The following CABP1 variants were observed in gnomAD, a reference collection of about 807,000 sequenced individuals.
CABP1 encodes calcium binding protein 1, also known as calcium-binding protein 1.
CABP1 carries 17 observed loss-of-function variants against 34.3 expected under a neutral mutation model. That is an observed-to-expected ratio of 0.50 (90% CI 0.34 to 0.74). CABP1 has a LOEUF of 0.74. CABP1 is among the 30% of genes least tolerant of loss of function. The pLI is 0.01. For missense variants in CABP1, 373 were observed against 511.1 expected, an observed-to-expected ratio of 0.73 and a Z score of 2.61; for synonymous variants, 198 against 229.2, an observed-to-expected ratio of 0.86 and a Z score of 1.23.
Position 120,660,221 on chromosome 12 carries a change from C to T in CABP1, c.711C>T (p.Phe237=), listed in dbSNP as rs147505752. 20 of 1,614,002 alleles carry T rather than the reference C, an allele frequency of 1.2e-5. No homozygotes were observed. Among genetic ancestry groups the T allele is most frequent in the African/African-American group, 5.3e-5 (4 of 74,892 alleles). The change falls in exon 3 of 6, where the codon TTC becomes TTT. Residue 237 remains phenylalanine, a synonymous_variant. Transcript: ENST00000316803. This position sits in a 1 kb window ranked among gnomAD's most constrained non-coding sequence, Gnocchi z 5.0. Reference sequence around the variant, plus strand: ...AGCTCCGAGAGGCCTTCAGAGAATTCGACAAGGACAAGGATGGCTACATCA... The same window carrying T: ...AGCTCCGAGAGGCCTTCAGAGAATTTGACAAGGACAAGGATGGCTACATCA... ...IEELREAFRE[F]DKDKDGYINC...
rs928869816 is a variant in CABP1 at position 120,661,997 on chromosome 12, T to A, written c.1087+779T>A. ...ATACTTCCATTCACACATTCATGTC[T>A]CTTCGTCTGCATATACTTCTACCCA... On this transcript the variant is annotated intron_variant, in intron 5 of 5. Coordinates refer to ENST00000316803, the MANE Select transcript of CABP1 (RefSeq NM_001033677.2). This position sits in a 1 kb window ranked among gnomAD's most constrained non-coding sequence, Gnocchi z 5.1. 2 of 152,290 alleles carry A rather than the reference T, an allele frequency of 1.3e-5. No homozygotes were observed. The allele number at this position is 152,290 out of a possible 1,614,324, so 9.4% of individuals were successfully genotyped here. A position where few individuals can be genotyped will look rare whatever the true frequency, so the allele number is the denominator to read the frequency against.
intron 1 of CABP1, among the ~76,000 whole-genome samples, chr12:120,643,847 A>G (rs1453813500): frequency 2.0e-5 from 3 of 152,254 alleles, no homozygotes; most frequent in South Asian, 2.1e-4. Flanking sequence ...TGCTAACTCT[A>G]TCAGTGTTAG....
chr12:120,670,714 C>T (rs1592902113), downstream of CABP1, among the ~76,000 whole-genome samples: 1 of 152,164 alleles, frequency 6.6e-6, no homozygotes, highest in Non-Finnish European at 1.5e-5. Flanking sequence ...CACCGCTGCA[C>T]TCAGCCTGGG....
At chr12:120,655,737 C>G in intron 1 of CABP1, 1 of 1,458,946 alleles carries the variant, frequency 6.9e-7, no homozygotes, top group South Asian at 1.4e-5. Context: ...TGAACACTTC[C>G]CATTGGTGAG....
chr12:120,661,142 T>C lies in CABP1; in HGVS notation c.1011T>C (p.His337=), dbSNP rs1880601484. ...AGGCTATGAGGAAGCTCCTGGGTCATCAGGTGGGACACCGAGACATAGAGG... is the reference window on the plus strand; with the variant it reads ...AGGCTATGAGGAAGCTCCTGGGTCACCAGGTGGGACACCGAGACATAGAGG... ...LREAMRKLLG[H]QVGHRDIEEI... The change falls in exon 5 of 6, where the codon CAT becomes CAC. Residue 337 remains histidine, a synonymous_variant. Transcript: ENST00000316803. This position sits in a 1 kb window ranked among gnomAD's most constrained non-coding sequence, Gnocchi z 5.1. 6.2e-7 allele frequency: 1 copy of C among 1,613,134 alleles called. No homozygotes were observed. The highest frequency in any genetic ancestry group is 1.7e-5 in the Admixed American group (1 of 59,942).
rs372433018 is a variant in CABP1, at chr12:120,666,858, C to T, written c.1088-17C>T. The stretch of plus-strand genomic sequence containing the variant: ...CTGGCTGCTGCTTGCTCCCCAGCTG[C>T]TCCTCTACCCTTCTAGAGTTTGTCC... On this transcript the variant is annotated splice_polypyrimidine_tract_variant and intron_variant, in intron 5 of 5. Coordinates refer to ENST00000316803, the MANE Select transcript of CABP1 (RefSeq NM_001033677.2). 67 of 1,602,878 alleles carry T rather than the reference C, an allele frequency of 4.2e-5. No homozygotes were observed. Among genetic ancestry groups the T allele is most frequent in the Non-Finnish European group, 5.5e-5 (65 of 1,177,302 alleles).
At position 120,661,265 on chromosome 12, in the gene CABP1, T is replaced by C. The variant is rs1379615275; in HGVS notation, c.1087+47T>C. On this transcript the variant is annotated intron_variant, in intron 5 of 5. Transcript: ENST00000316803. This position sits in a 1 kb window ranked among gnomAD's most constrained non-coding sequence, Gnocchi z 5.1. Reference sequence around the variant, plus strand: ...GAGAGAAGCAAGCCAGCAGTGGCCATCCATGGAGCCCTCCAATTGTGTATC... The same window carrying C: ...GAGAGAAGCAAGCCAGCAGTGGCCACCCATGGAGCCCTCCAATTGTGTATC... 3 of 1,583,044 alleles carry C rather than the reference T, an allele frequency of 1.9e-6. No homozygotes were observed. Among genetic ancestry groups the C allele is most frequent in the African/African-American group, 2.7e-5 (2 of 74,098 alleles).
rs1258619523 is a variant in CABP1, at chr12:120,660,708, C to G, written c.830-23C>G. ...AGGGAATGGGTATGTCGGGGATGAC[C>G]TAGCCCTTTCCTCCTTTTCCAGTGG... On this transcript the variant is annotated intron_variant, in intron 3 of 5. Transcript: ENST00000316803. The surrounding 1 kb of genome is among the most constrained non-coding windows in gnomAD (Gnocchi z 5.0). The G allele has an allele frequency of 1.1e-5, 17 of 1,531,546 alleles. No homozygotes were observed. Among genetic ancestry groups the G allele is most frequent in the Non-Finnish European group, 1.5e-5 (17 of 1,104,944 alleles). 94.9% of individuals were successfully genotyped at this position (1,531,546 alleles called of 1,614,324 possible).
the CABP1 span, among the ~76,000 whole-genome samples, chr12:120,680,103 G>A: frequency 6.6e-6 from 1 of 152,124 alleles, no homozygotes; most frequent in South Asian, 2.1e-4. Flanking sequence ...AATCCGGGAG[G>A]CAGAGGCTGC....
In CABP1 at chr12:120,661,204, G is replaced by A. The variant is rs750230085; in HGVS notation, c.1073G>A (p.Arg358Gln). The A allele has an allele frequency of 2.5e-6, 4 of 1,608,704 alleles. No homozygotes were observed. Among genetic ancestry groups the A allele is most frequent in the South Asian group, 1.1e-5 (1 of 91,024 alleles). The change falls in exon 5 of 6, where the codon CGA (arginine) becomes CAA (glutamine). Residue 358 changes from arginine to glutamine, a missense_variant. Arg to Gln is a conservative substitution (Grantham distance 43, BLOSUM62 1). Transcript: ENST00000316803. The surrounding 1 kb of genome is among the most constrained non-coding windows in gnomAD (Gnocchi z 5.1). ...IRDVDLNGDG[R>Q]VDFEEFVRMM... ...GATGTGGACCTCAATGGGGATGGAC[G>A]AGTGGACTTTGAAGGTAGGTGGGGC...
intron 1 of CABP1, among the ~76,000 whole-genome samples, chr12:120,651,560 A>T (rs951531596): frequency 2.0e-5 from 3 of 152,134 alleles, no homozygotes; most frequent in Non-Finnish European, 4.4e-5. Flanking sequence ...TTTTCCTCCA[A>T]TTCTTCCATT....
rs146486911 is a variant in CABP1 at position 120,652,295 on chromosome 12, C to T, written c.655-7583C>T. 9.2e-5 allele frequency among the ~76,000 whole-genome samples: 14 copies of T among 151,940 alleles called. No individual in the cohort carries two copies. In the East Asian group the frequency reaches 2.5e-3, roughly 27 times the overall value. Reference sequence around the variant, plus strand: ...ACAGGAAATAGGAGAGATTTTCAGTCCACAGAGTAAAAGATAAAAAAACTT... The same window carrying T: ...ACAGGAAATAGGAGAGATTTTCAGTTCACAGAGTAAAAGATAAAAAAACTT... On this transcript the variant is annotated intron_variant, in intron 1 of 5. Coordinates refer to ENST00000316803, the MANE Select transcript of CABP1 (RefSeq NM_001033677.2).
chr12:120,671,277 C>T (rs138932217), downstream of CABP1, among the ~76,000 whole-genome samples: 20 of 152,062 alleles, frequency 1.3e-4, no homozygotes, highest in Middle Eastern at 3.4e-3. Flanking sequence ...TGGTGGTGCG[C>T]GCCTGCAATC....
chr12:120,673,570 AG>A, the CABP1 span, among the ~76,000 whole-genome samples: 1 of 151,976 alleles, frequency 6.6e-6, no homozygotes, highest in Non-Finnish European at 1.5e-5. Flanking sequence ...CCTGGGTGAC[AG>A]GGCGAGACTC....
chr12:120,663,261 GTTATTTATTTAT>G (rs150864781), intron 5 of CABP1, among the ~76,000 whole-genome samples: 1 of 150,604 alleles, frequency 6.6e-6, no homozygotes, highest in Admixed American at 6.6e-5. Context: ...TCAGTGAAAG[GTTATTTATTTAT>G]TTATTTATTT....
At chr12:120,658,990 C>T (rs1349752908) in intron 1 of CABP1, 1 of 152,318 alleles carries the variant, frequency 6.6e-6, no homozygotes, top group Non-Finnish European at 1.5e-5. Context: ...TGGCAGCTCA[C>T]CAACCTGAGC....
At chr12:120,671,768 C>A (rs755241019), downstream of CABP1, among the ~76,000 whole-genome samples, 10 of 152,180 alleles carry the variant, frequency 6.6e-5, no homozygotes, top group Non-Finnish European at 1.0e-4. Context: ...GAGTTCTGAT[C>A]AAAAAGCAGA....
At chr12:120,659,561 A>G in intron 1 of CABP1, 1 of 296,138 alleles carries the variant, frequency 3.4e-6, no homozygotes, top group Non-Finnish European at 6.3e-6. Context: ...GCACCATCAT[A>G]GCTCACTACA....
chr12:120,677,876 G>A, the CABP1 span, among the ~76,000 whole-genome samples: 1 of 152,184 alleles, frequency 6.6e-6, no homozygotes, highest in Non-Finnish European at 1.5e-5. Flanking sequence ...AGCACACTGG[G>A]CCTGGCTGGC....
Sources: gnomAD v4.1 joint callset for allele counts (sites outside exome capture counted in the v4.1 genomes callset) on GRCh38, gnomAD v4.1.1 for gene constraint, Gnocchi (gnomAD v3.1) non-coding constraint, MANE v1.5 for transcripts, NCBI Gene and HGNC (gene_info 2026-07-23, HGNC 2026-07-21) for gene names.